PARM1: variants seen among roughly 807,000 people sequenced by gnomAD.
The protein encoded by PARM1 is prostate androgen-regulated mucin-like protein 1.
Under a neutral mutation model 24.6 loss-of-function variants are expected in PARM1, and 14 were observed. The ratio of observed to expected loss-of-function variants is 0.57; its 90% CI spans 0.38 to 0.89. The LOEUF is 0.89. PARM1 is among the 40% of genes least tolerant of loss of function. PARM1 has a pLI of 0.00. For synonymous variants in PARM1, 179 were observed against 156.6 expected (o/e 1.14, Z -1.07); for missense variants, 362 against 380.4 (o/e 0.95, Z 0.40).
At chr4:74,982,753 G>A (rs1722282112) in intron 1 of PARM1, among the ~76,000 whole-genome samples, 1 of 152,144 alleles carries the variant, frequency 6.6e-6, no homozygotes, top group South Asian at 2.1e-4. Context: ...TTCTTTAAAA[G>A]AAAACATTCT....
intron 1 of PARM1, among the ~76,000 whole-genome samples, chr4:74,955,661 C>G (rs75913391): frequency 0.012 from 1,812 of 152,254 alleles, 30 homozygotes; most frequent in African/African-American, 0.041. Context: ...TTTTTTGTGG[C>G]CGTAGCTTCC....
At chr4:74,985,271 T>C (rs776100194) in intron 1 of PARM1, among the ~76,000 whole-genome samples, 4 of 152,182 alleles carry the variant, frequency 2.6e-5, no homozygotes, top group Non-Finnish European at 5.9e-5. Context: ...CCTGAGGAGT[T>C]AGTAGTCATA....
At chr4:75,039,423 G>C (rs939556884) in intron 3 of PARM1, among the ~76,000 whole-genome samples, 1 of 151,980 alleles carries the variant, frequency 6.6e-6, no homozygotes, top group African/African-American at 2.4e-5. Context: ...AGTCCCAGCT[G>C]CTCGGGAGGC....
intron 2 of PARM1, among the ~76,000 whole-genome samples, chr4:75,022,263 A>C (rs1393053930): frequency 6.6e-6 from 1 of 152,218 alleles, no homozygotes; most frequent in African/African-American, 2.4e-5. Flanking sequence ...AACTTAGTTT[A>C]AACCTCAAAG....
chr4:74,981,435 C>A (rs531377285), intron 1 of PARM1, among the ~76,000 whole-genome samples: 2 of 152,288 alleles, frequency 1.3e-5, no homozygotes, highest in South Asian at 4.1e-4. Flanking sequence ...GAGATACAAT[C>A]TCACGCCATT....
At chr4:75,031,261 A>G (rs1723269742) in intron 2 of PARM1, among the ~76,000 whole-genome samples, 1 of 152,230 alleles carries the variant, frequency 6.6e-6, no homozygotes, top group South Asian at 2.1e-4. Flanking sequence ...CAGTGGTTCA[A>G]ATATTTAATT....
intron 1 of PARM1, among the ~76,000 whole-genome samples, chr4:74,969,252 G>C (rs1405139766): frequency 2.6e-5 from 4 of 152,194 alleles, no homozygotes; most frequent in African/African-American, 9.7e-5. Flanking sequence ...TTGAGGGGGC[G>C]GCTGTCTAAG....
chr4:74,953,596 T>G (rs1024850450), intron 1 of PARM1, among the ~76,000 whole-genome samples: 1 of 152,112 alleles, frequency 6.6e-6, no homozygotes, highest in African/African-American at 2.4e-5. Flanking sequence ...ACAATTAAGA[T>G]TAAAGAACTT....
chr4:74,987,736 T>A (rs537801897), intron 1 of PARM1, among the ~76,000 whole-genome samples: 1 of 152,254 alleles, frequency 6.6e-6, no homozygotes, highest in African/African-American at 2.4e-5. Context: ...TTTCTTATGG[T>A]TGATCAAGAA....
At position 75,037,664 on chromosome 4, in the gene PARM1, C is replaced by T. The variant is rs552869055; in HGVS notation, c.848+3703C>T. On this transcript the variant is annotated intron_variant, in intron 3 of 3. Coordinates refer to ENST00000307428, the MANE Select transcript of PARM1 (RefSeq NM_015393.4). Reference sequence around the variant, plus strand: ...CAGGGCCCTTCTTGGTTTATGATCCCACCTTTTAACCAGCAGCAGTGTGGT... The same window carrying T: ...CAGGGCCCTTCTTGGTTTATGATCCTACCTTTTAACCAGCAGCAGTGTGGT... Among the ~76,000 whole-genome samples the T allele has an allele frequency of 5.3e-5, 8 of 152,234 alleles. No individual in the cohort carries two copies. In the South Asian group the frequency reaches 6.2e-4, roughly 12 times the overall value.
intron 1 of PARM1, among the ~76,000 whole-genome samples, chr4:75,011,614 T>A (rs1195823250): frequency 4.6e-5 from 7 of 152,008 alleles, no homozygotes; most frequent in African/African-American, 1.7e-4. Context: ...TGAAACCAAA[T>A]GAGTAAGTGC....
At position 75,047,515 on chromosome 4, in the gene PARM1, G is replaced by C. The variant is rs1723630735; in HGVS notation, c.*1268G>C. 6.6e-6 allele frequency: 1 copy of C among 152,194 alleles called. No homozygotes were observed. The highest frequency in any genetic ancestry group is 1.5e-5 in the Non-Finnish European group (1 of 68,032). The allele number at this position is 152,194 out of a possible 1,614,324, so 9.4% of individuals were successfully genotyped here. On this transcript the variant is annotated 3_prime_UTR_variant, in exon 4 of 4. Transcript: ENST00000307428. ...TATTGCAATCATTCTCAACCAGGAGGTGATTTTGCCCCCTGACTCCACCCC... is the reference window on the plus strand; with the variant it reads ...TATTGCAATCATTCTCAACCAGGAGCTGATTTTGCCCCCTGACTCCACCCC...
rs927364146 is a variant in PARM1 at position 74,933,272 on chromosome 4, C to G, written c.-56C>G. ...GCTACCAGCGCCCAGTGCGCTCTGTCAGTCCGCAAACTCCTTGCCGCCCGC... is the reference window on the plus strand; with the variant it reads ...GCTACCAGCGCCCAGTGCGCTCTGTGAGTCCGCAAACTCCTTGCCGCCCGC... On this transcript the variant is annotated 5_prime_UTR_variant, in exon 1 of 4. Coordinates refer to ENST00000307428, the MANE Select transcript of PARM1 (RefSeq NM_015393.4). 3 of 1,523,304 alleles carry G rather than the reference C, an allele frequency of 2.0e-6. No homozygotes were observed. Among genetic ancestry groups the G allele is most frequent in the Non-Finnish European group, 2.7e-6 (3 of 1,102,208 alleles). The allele number at this position is 1,523,304 out of a possible 1,614,324, so 94.4% of individuals were successfully genotyped here.
At chr4:74,984,502 C>A (rs759046659) in intron 1 of PARM1, among the ~76,000 whole-genome samples, 6 of 152,148 alleles carry the variant, frequency 3.9e-5, no homozygotes, top group Non-Finnish European at 7.3e-5. Context: ...TGTCCTGTTT[C>A]CAAAGGCACA....
At chr4:75,005,519 CA>C (rs1277498571) in intron 1 of PARM1, among the ~76,000 whole-genome samples, 1 of 152,146 alleles carries the variant, frequency 6.6e-6, no homozygotes, top group African/African-American at 2.4e-5. Flanking sequence ...GCACAGAAGG[CA>C]GACTCTCTAC....
At chr4:74,963,893 A>G (rs961080953) in intron 1 of PARM1, among the ~76,000 whole-genome samples, 2 of 152,220 alleles carry the variant, frequency 1.3e-5, no homozygotes, top group Admixed American at 1.3e-4. Context: ...AGGTGTAGAC[A>G]AAGACAAGAT....
intron 1 of PARM1, among the ~76,000 whole-genome samples, chr4:74,936,067 G>A (rs983959986): frequency 2.0e-5 from 3 of 152,020 alleles, no homozygotes; most frequent in Non-Finnish European, 4.4e-5. Flanking sequence ...ACTCCTGAAC[G>A]TAAGTGATCC....
In PARM1 at chr4:75,049,776, A is replaced by G. The variant is rs1322778566; in HGVS notation, c.*3529A>G. The G allele has an allele frequency of 1.3e-5, 2 of 152,230 alleles. No individual in the cohort carries two copies. The highest frequency in any genetic ancestry group is 2.9e-5 in the Non-Finnish European group (2 of 67,988). 9.4% of individuals were successfully genotyped at this position (152,230 alleles called of 1,614,324 possible). ...CTTGCTTGCAAGTGTGCATGGTTCA[A>G]TCCCTCACATCCAGGAAATGAATTT... On this transcript the variant is annotated 3_prime_UTR_variant, in exon 4 of 4. Transcript: ENST00000307428.
At chr4:75,016,893 G>A (rs1722998270) in intron 2 of PARM1, among the ~76,000 whole-genome samples, 1 of 152,108 alleles carries the variant, frequency 6.6e-6, no homozygotes, top group Non-Finnish European at 1.5e-5. Flanking sequence ...CTATAGACAT[G>A]TATAGCCAGC....
Sources: allele counts gnomAD v4.1 joint callset (sites outside exome capture counted in the v4.1 genomes callset), GRCh38; gene constraint gnomAD v4.1.1; transcripts MANE v1.5; gene names NCBI Gene and HGNC (gene_info 2026-07-23, HGNC 2026-07-21).